DEPTOR: variants seen among roughly 807,000 people sequenced by gnomAD.
DEPTOR encodes DEP domain containing MTOR interacting protein, also known as DEP domain-containing mTOR-interacting protein.
Under a neutral mutation model 41.6 loss-of-function variants are expected in DEPTOR, and 41 were observed. That is an observed-to-expected ratio of 0.98 (90% confidence interval 0.77 to 1.28). The LOEUF (loss-of-function observed/expected upper bound fraction) is 1.28. Among genes scored for constraint, DEPTOR ranks in the 50% most tolerant of loss-of-function variants. DEPTOR has a pLI of 0.00. For missense variants in DEPTOR, 514 were observed against 527.9 expected, an observed-to-expected ratio of 0.97 and a Z score of 0.26; for synonymous variants, 195 against 192.3, an observed-to-expected ratio of 1.01 and a Z score of -0.12.
chr8:119,941,845 C>T (rs1044274420), intron 3 of DEPTOR, among the ~76,000 whole-genome samples: 6 of 152,144 alleles, frequency 3.9e-5, no homozygotes, highest in Non-Finnish European at 8.8e-5. Flanking sequence ...CCCTGGTTTC[C>T]AGCTCTAGGA....
rs1176064338 is a variant in DEPTOR at position 120,001,427 on chromosome 8, G to A, written c.605-98G>A. On this transcript the variant is annotated intron_variant, in intron 4 of 8. Coordinates refer to ENST00000286234, the MANE Select transcript of DEPTOR (RefSeq NM_022783.4). ...CATCTGTGGAAGAGAAGTCTTTCTTGAGACTTTTGCCGCTGTTGCCTGCAG... is the reference window on the plus strand; with the variant it reads ...CATCTGTGGAAGAGAAGTCTTTCTTAAGACTTTTGCCGCTGTTGCCTGCAG... 1.6e-5 allele frequency: 18 copies of A among 1,104,444 alleles called. No individual in the cohort carries two copies. The East Asian group carries it at 4.6e-4, about 28-fold the overall frequency. 68.4% of individuals were successfully genotyped at this position (1,104,444 alleles called of 1,614,324 possible).
intron 4 of DEPTOR, among the ~76,000 whole-genome samples, chr8:120,000,202 A>G (rs1246708406): frequency 6.6e-6 from 1 of 152,098 alleles, no homozygotes; most frequent in Non-Finnish European, 1.5e-5. Context: ...GGTTCTTAGC[A>G]TATTTACAGA....
chr8:120,038,584 C>T (rs1341447644), intron 8 of DEPTOR, among the ~76,000 whole-genome samples: 1 of 130,900 alleles, frequency 7.6e-6, no homozygotes, highest in Non-Finnish European at 1.6e-5. Flanking sequence ...CAAAGTGAGA[C>T]CCTATCTCAA....
At chr8:119,887,131 C>CT (rs1827376033) in intron 1 of DEPTOR, among the ~76,000 whole-genome samples, 2 of 11,448 alleles carry the variant, frequency 1.7e-4, no homozygotes, top group Non-Finnish European at 4.0e-4. Flanking sequence ...CTCCCCTCCC[C>CT]CCCCCCTCCC....
At chr8:119,994,190 C>T (rs988701247) in intron 4 of DEPTOR, among the ~76,000 whole-genome samples, 2 of 152,040 alleles carry the variant, frequency 1.3e-5, no homozygotes, top group African/African-American at 4.8e-5. Flanking sequence ...TTGGCTCATG[C>T]CTGTAATCCC....
chr8:119,956,515 A>T (rs1828418182), intron 3 of DEPTOR, among the ~76,000 whole-genome samples: 2 of 152,236 alleles, frequency 1.3e-5, no homozygotes, highest in Admixed American at 6.5e-5. Context: ...TAGTTACAAG[A>T]AATGACACAA....
intron 8 of DEPTOR, among the ~76,000 whole-genome samples, chr8:120,040,596 C>CT (rs1236022618): frequency 3.9e-5 from 6 of 152,080 alleles, no homozygotes; most frequent in Non-Finnish European, 8.8e-5. Flanking sequence ...TTGAGAGCCA[C>CT]TTTTTTTGTA....
At chr8:119,928,253 C>A in intron 1 of DEPTOR, 147 bp from the exon 2 acceptor site, 1 of 798,280 alleles carries the variant, frequency 1.3e-6, no homozygotes, top group Non-Finnish European at 1.9e-6. Flanking sequence ...TGAACTCTGA[C>A]AGTATGGAAA....
intron 3 of DEPTOR, among the ~76,000 whole-genome samples, chr8:119,934,543 G>A (rs919070348): frequency 2.6e-5 from 4 of 152,194 alleles, no homozygotes; most frequent in African/African-American, 7.2e-5. Context: ...GTGATCTGCA[G>A]TCTACCGTGG....
At chr8:119,972,114 A>G (rs1357089411) in intron 4 of DEPTOR, among the ~76,000 whole-genome samples, 1 of 152,230 alleles carries the variant, frequency 6.6e-6, no homozygotes, top group African/African-American at 2.4e-5. Context: ...GGGAGAATTA[A>G]GTGATTGCAC....
Position 119,935,996 on chromosome 8 carries a change from G to GTT in DEPTOR, c.425+6059_425+6060dup, listed in dbSNP as rs1201688321. ...TCTGGTTCATAGACACATTAGTCTA[G>GTT]TTGTTTTTTTTTTTTTTTTTTTTAT... is the stretch of plus-strand genomic sequence containing the variant. On this transcript the variant is annotated intron_variant, in intron 3 of 8. Transcript: ENST00000286234. 1.6e-4 allele frequency among the ~76,000 whole-genome samples: 16 copies of GTT among 102,764 alleles called. 1 individual carries two copies. The highest frequency in any genetic ancestry group is 5.6e-4 in the African/African-American group (15 of 26,604). The allele number at this position is 102,764 out of a possible 152,430, so 67.4% of individuals were successfully genotyped here. A position where few individuals can be genotyped will look rare whatever the true frequency, so the allele number is the denominator to read the frequency against.
intron 8 of DEPTOR, among the ~76,000 whole-genome samples, chr8:120,045,515 C>T (rs188438846): frequency 8.1e-4 from 123 of 152,200 alleles, no homozygotes; most frequent in African/African-American, 2.8e-3. Flanking sequence ...GGACTACTGG[C>T]GTGTGCCACC....
chr8:119,911,745 G>C (rs1162617611), intron 1 of DEPTOR, among the ~76,000 whole-genome samples: 1 of 152,198 alleles, frequency 6.6e-6, no homozygotes, highest in Non-Finnish European at 1.5e-5. Context: ...TAATAGAAAG[G>C]TGATGGCAGA....
intron 4 of DEPTOR, among the ~76,000 whole-genome samples, chr8:119,991,012 A>C (rs1041705859): frequency 7.4e-6 from 1 of 136,026 alleles, no homozygotes; most frequent in Non-Finnish European, 1.6e-5. Flanking sequence ...GATGGCCTTA[A>C]GTACAGCTCG....
chr8:119,985,691 G>A (rs577001546), intron 4 of DEPTOR, among the ~76,000 whole-genome samples: 2 of 152,154 alleles, frequency 1.3e-5, no homozygotes, highest in Non-Finnish European at 2.9e-5. Context: ...TGTATTGTGT[G>A]TATATATATT....
intron 3 of DEPTOR, among the ~76,000 whole-genome samples, chr8:119,947,121 A>G (rs1017576021): frequency 6.6e-6 from 1 of 152,210 alleles, no homozygotes; most frequent in Non-Finnish European, 1.5e-5. Context: ...TGTCCTCATT[A>G]TGTACAAGAA....
Position 119,928,475 on chromosome 8 carries a change from A to G in DEPTOR, c.198A>G (p.Ala66=). 6.2e-7 allele frequency: 1 copy of G among 1,614,188 alleles called. No individual in the cohort carries two copies. Among genetic ancestry groups the G allele is most frequent in the Non-Finnish European group, 8.5e-7 (1 of 1,180,016 alleles). ...AGACCTACCCAAACTGTTTTGTCGC[A>G]AAAGAACTGATTGACTGGCTGATTG... is the stretch of plus-strand genomic sequence containing the variant. ...HLKTYPNCFV[A]KELIDWLIEH... is the part of the protein sequence containing the mutation. Residue 66 remains alanine (A), a synonymous_variant, in exon 2 of 9, where the codon GCA becomes GCG. Coordinates refer to ENST00000286234, the MANE Select transcript of DEPTOR (RefSeq NM_022783.4).
intron 1 of DEPTOR, among the ~76,000 whole-genome samples, chr8:119,902,130 C>T (rs1034335992): frequency 6.6e-6 from 1 of 152,014 alleles, no homozygotes; most frequent in African/African-American, 2.4e-5. Flanking sequence ...ATGTTGATTC[C>T]CAATTTAGAG....
intron 8 of DEPTOR, among the ~76,000 whole-genome samples, chr8:120,010,981 T>G (rs1211427568): frequency 2.0e-5 from 3 of 152,196 alleles, no homozygotes; most frequent in Admixed American, 6.6e-5. Context: ...TCCAAAACCA[T>G]AAGAGGATGC....
Sources: gnomAD v4.1 joint callset for allele counts (sites outside exome capture counted in the v4.1 genomes callset) on GRCh38, gnomAD v4.1.1 for gene constraint, MANE v1.5 for transcripts, NCBI Gene and HGNC (gene_info 2026-07-23, HGNC 2026-07-21) for gene names.